DIP2B: variants seen among roughly 807,000 people sequenced by gnomAD.
DIP2B encodes disco-interacting protein 2 homolog B.
DIP2B carries 76 observed loss-of-function variants against 198.0 expected under a neutral mutation model. That is an observed-to-expected ratio of 0.38 (90% CI 0.32 to 0.46). DIP2B has a LOEUF of 0.46. DIP2B is among the 20% of genes least tolerant of loss of function. The pLI is 0.99. For missense variants in DIP2B, 1,559 were observed against 1,978.4 expected (o/e 0.79, Z 4.02); for synonymous variants, 701 against 739.1 (o/e 0.95, Z 0.84).
At chr12:50,658,590 T>C (rs1009797350) in intron 3 of DIP2B, among the ~76,000 whole-genome samples, 1 of 152,226 alleles carries the variant, frequency 6.6e-6, no homozygotes, top group African/African-American at 2.4e-5. Flanking sequence ...ATTAGACATG[T>C]GCTAAGGTGA....
chr12:50,719,653 C>T (rs913711374), intron 25 of DIP2B, among the ~76,000 whole-genome samples: 1 of 151,802 alleles, frequency 6.6e-6, no homozygotes, highest in Non-Finnish European at 1.5e-5. Flanking sequence ...ACTAGCCTGA[C>T]CAACATGTGA....
intron 1 of DIP2B, among the ~76,000 whole-genome samples, chr12:50,616,641 A>G (rs1037275331): frequency 2.0e-5 from 3 of 152,158 alleles, no homozygotes; most frequent in Non-Finnish European, 2.9e-5. Context: ...GAAATAGGGG[A>G]AGACAGAGGC....
At chr12:50,739,362 C>A in intron 35 of DIP2B, 47 bp from the exon 36 acceptor site, 1 of 1,571,904 alleles carries the variant, frequency 6.4e-7, no homozygotes, top group South Asian at 1.1e-5. Context: ...AGAATTAATA[C>A]AGTTGTGTGT....
At chr12:50,575,576 A>G (rs1958652078) in intron 1 of DIP2B, among the ~76,000 whole-genome samples, 1 of 150,984 alleles carries the variant, frequency 6.6e-6, no homozygotes, top group Admixed American at 6.6e-5. Flanking sequence ...TTATAGAGAC[A>G]GAGTTTTGCT....
intron 1 of DIP2B, among the ~76,000 whole-genome samples, chr12:50,594,481 T>A (rs893573982): frequency 3.3e-5 from 5 of 152,238 alleles, no homozygotes; most frequent in African/African-American, 1.2e-4. Flanking sequence ...GAAAAGAAAC[T>A]CTTTTGTATT....
rs1159603626 is a variant in DIP2B, at chr12:50,678,847, C to G, written c.1085C>G (p.Thr362Arg). ...KCSCLTALDMTGKPVYTLTYG... is the reference protein window; with the variant it reads ...KCSCLTALDMRGKPVYTLTYG... ...TCCTGTCTGACTGCACTGGACATGACAGGGAAACCAGTTTACACTCTTACA... is the reference window on the plus strand; with the variant it reads ...TCCTGTCTGACTGCACTGGACATGAGAGGGAAACCAGTTTACACTCTTACA... Residue 362 changes from threonine to arginine, a missense_variant, in exon 8 of 38, where the codon ACA becomes AGA. Coordinates refer to ENST00000301180, the MANE Select transcript of DIP2B (RefSeq NM_173602.3). 3 of 1,614,092 alleles carry G rather than the reference C, an allele frequency of 1.9e-6. No homozygotes were observed. The highest frequency in any genetic ancestry group is 2.5e-6 in the Non-Finnish European group (3 of 1,180,028).
chr12:50,738,505 A>G (rs1940178461), intron 35 of DIP2B, among the ~76,000 whole-genome samples: 1 of 151,930 alleles, frequency 6.6e-6, no homozygotes, highest in African/African-American at 2.4e-5. Flanking sequence ...TTTTTCTGAG[A>G]CAGTGTATTG....
chr12:50,686,915 T>A, intron 12 of DIP2B: 1 of 386,040 alleles, frequency 2.6e-6, no homozygotes, highest in Non-Finnish European at 4.6e-6. Context: ...ATTCTTCATG[T>A]AAGAAAGTTA....
intron 2 of DIP2B, among the ~76,000 whole-genome samples, chr12:50,638,622 A>T (rs562736061): frequency 1.0e-3 from 153 of 152,326 alleles, no homozygotes; most frequent in Admixed American, 1.7e-3. Flanking sequence ...TTCAAAACAC[A>T]GGAATCTGTA....
intron 1 of DIP2B, among the ~76,000 whole-genome samples, chr12:50,613,875 T>A (rs1399653149): frequency 6.6e-6 from 1 of 152,214 alleles, no homozygotes; most frequent in South Asian, 2.1e-4. Flanking sequence ...CTATAAATGT[T>A]GGGCCCATGT....
intron 1 of DIP2B, among the ~76,000 whole-genome samples, chr12:50,531,039 C>T (rs1289480210): frequency 6.6e-6 from 1 of 152,058 alleles, no homozygotes; most frequent in Admixed American, 6.6e-5. Flanking sequence ...TTGAGATTGT[C>T]CAAGGAGAGC....
intron 35 of DIP2B, among the ~76,000 whole-genome samples, chr12:50,737,812 T>C (rs1940164755): frequency 6.6e-6 from 1 of 152,084 alleles, no homozygotes; most frequent in African/African-American, 2.4e-5. Context: ...GGTCTCGAAC[T>C]CATGAGTTCA....
intron 21 of DIP2B, 92 bp from the exon 22 acceptor site, chr12:50,708,356 T>G: frequency 9.1e-7 from 1 of 1,102,036 alleles, no homozygotes; most frequent in Non-Finnish European, 1.3e-6. Flanking sequence ...GGTAGCATGG[T>G]GGGGTTGTCT....
chr12:50,744,333 A>G (rs1940309794), intron 37 of DIP2B, among the ~76,000 whole-genome samples: 1 of 152,090 alleles, frequency 6.6e-6, no homozygotes, highest in South Asian at 2.1e-4. Flanking sequence ...TCAAACTCCC[A>G]GGAGATTCTG....
At chr12:50,648,246 G>A (rs1938385132) in intron 3 of DIP2B, among the ~76,000 whole-genome samples, 1 of 152,176 alleles carries the variant, frequency 6.6e-6, no homozygotes, top group Non-Finnish European at 1.5e-5. Flanking sequence ...TATCTTGGTG[G>A]TAAAAGTATT....
At chr12:50,514,137 C>G (rs527717399) in intron 1 of DIP2B, among the ~76,000 whole-genome samples, 7 of 147,278 alleles carry the variant, frequency 4.8e-5, no homozygotes, top group Non-Finnish European at 5.9e-5. Flanking sequence ...ATGATCTCAG[C>G]TCACCATAAC....
intron 16 of DIP2B, 137 bp downstream of exon 16, chr12:50,696,104 T>C: frequency 7.4e-7 from 1 of 1,346,630 alleles, no homozygotes; most frequent in Non-Finnish European, 1.0e-6. Flanking sequence ...TTTTGGTATA[T>C]TCACGAGTTG....
intron 1 of DIP2B, among the ~76,000 whole-genome samples, chr12:50,608,291 T>G (rs1959001323): frequency 6.6e-6 from 1 of 152,240 alleles, no homozygotes; most frequent in Non-Finnish European, 1.5e-5. Flanking sequence ...AAAGCCATTT[T>G]GATTATGCTG....
At position 50,679,081 on chromosome 12, in the gene DIP2B, TA is replaced by T. The variant is rs1938995559; in HGVS notation, c.1114+209del. 1.4e-5 allele frequency: 8 copies of T among 589,348 alleles called. 1 individual carries two copies. In the South Asian group the frequency reaches 1.7e-4, roughly 13 times the overall value. 36.5% of individuals were successfully genotyped at this position (589,348 alleles called of 1,614,324 possible). ...CAACATTTGCAAGCCAGCTAATATT[TA>T]AAAGACAGCAAAAAGAAGAGAGACT... On this transcript the variant is annotated intron_variant, in intron 8 of 37. Transcript: ENST00000301180.
Sources: gnomAD v4.1 joint callset for allele counts (sites outside exome capture counted in the v4.1 genomes callset) on GRCh38, gnomAD v4.1.1 for gene constraint, MANE v1.5 for transcripts, NCBI Gene and HGNC (gene_info 2026-07-23, HGNC 2026-07-21) for gene names.